Variants in CDKAL1 observed in about 807,000 individuals in gnomAD.
CDKAL1 encodes threonylcarbamoyladenosine tRNA methylthiotransferase.
In CDKAL1, 32 loss-of-function variants were observed where a neutral mutation model predicts 68.2. That is an observed-to-expected ratio of 0.47 (90% CI 0.35 to 0.63). The LOEUF is 0.63. CDKAL1 is among the 30% of genes least tolerant of loss of function. The pLI is 0.00. For synonymous variants in CDKAL1, 234 were observed against 244.3 expected, an observed-to-expected ratio of 0.96 and a Z score of 0.39; for missense variants, 606 against 696.7, an observed-to-expected ratio of 0.87 and a Z score of 1.47.
At chr6:21,138,271 T>G (rs541422479) in intron 13 of CDKAL1, among the ~76,000 whole-genome samples, 61 of 152,064 alleles carry the variant, frequency 4.0e-4, no homozygotes, top group African/African-American at 7.7e-4. Flanking sequence ...TGTATGTGTG[T>G]GGGGGGAACT....
intron 11 of CDKAL1, among the ~76,000 whole-genome samples, chr6:21,054,162 G>A (rs1396416856): frequency 6.6e-6 from 1 of 151,894 alleles, no homozygotes; most frequent in Non-Finnish European, 1.5e-5. Context: ...TAATGTGTGG[G>A]GTTTTTTGCA....
chr6:20,570,483 C>A (rs920826192), intron 4 of CDKAL1, among the ~76,000 whole-genome samples: 1 of 151,964 alleles, frequency 6.6e-6, no homozygotes, highest in African/African-American at 2.4e-5. Flanking sequence ...TCACTGCAAC[C>A]CCCGCCTCCT....
intron 15 of CDKAL1, among the ~76,000 whole-genome samples, chr6:21,215,739 A>G (rs9350334): frequency 0.15 from 22,092 of 152,094 alleles, 1,678 homozygotes; most frequent in East Asian, 0.22. Flanking sequence ...CTGAGGTACA[A>G]TTGTACCCAG....
intron 12 of CDKAL1, among the ~76,000 whole-genome samples, chr6:21,075,772 G>A (rs1772037079): frequency 6.6e-6 from 1 of 152,038 alleles, no homozygotes; most frequent in African/African-American, 2.4e-5. Context: ...TTCTTGGTCT[G>A]CCTAGGAAAG....
chr6:21,064,991 A>G, intron 11 of CDKAL1, 57 bp from the exon 12 acceptor site: 2 of 1,019,840 alleles, frequency 2.0e-6, no homozygotes, highest in Non-Finnish European at 2.8e-6. Flanking sequence ...TGTCAGGGAA[A>G]TAGAATAATT....
chr6:20,775,542 A>G (rs144368447), intron 7 of CDKAL1, among the ~76,000 whole-genome samples: 7 of 152,314 alleles, frequency 4.6e-5, no homozygotes, highest in East Asian at 1.9e-4. Context: ...GTTCATTTTC[A>G]GGACAAATTT....
intron 5 of CDKAL1, among the ~76,000 whole-genome samples, chr6:20,684,196 CT>C (rs1288715112): frequency 6.6e-6 from 1 of 152,204 alleles, no homozygotes; most frequent in Non-Finnish European, 1.5e-5. Context: ...AATCCCCGCA[CT>C]TTGGGAGGCC....
At position 21,070,869 on chromosome 6, in the gene CDKAL1, AGCAGCTGTGAG is replaced by A. The variant is rs1431552403; in HGVS notation, c.1236+5644_1236+5654del. On this transcript the variant is annotated intron_variant, in intron 12 of 15. Transcript: ENST00000274695. ...GTAGTCCCTGAACAGCAGTGTTGGC[AGCAGCTGTGAG>A]GCTGCTGGAAATGCAGACTCTCAGG... 7.2e-5 allele frequency among the ~76,000 whole-genome samples: 11 copies of A among 152,232 alleles called. No homozygotes were observed. In the East Asian group the frequency reaches 1.5e-3, roughly 21 times the overall value.
chr6:20,620,467 A>T (rs906619707), intron 4 of CDKAL1, among the ~76,000 whole-genome samples: 1 of 152,192 alleles, frequency 6.6e-6, no homozygotes, highest in Admixed American at 6.5e-5. Flanking sequence ...CAAAATAAAT[A>T]TTATCCACAT....
chr6:20,683,921 T>C (rs952964167), intron 5 of CDKAL1, among the ~76,000 whole-genome samples: 1 of 152,232 alleles, frequency 6.6e-6, no homozygotes, highest in South Asian at 2.1e-4. Context: ...CTCCACTGTT[T>C]TATATTTCCC....
chr6:20,852,446 A>T (rs1759067794), intron 9 of CDKAL1, among the ~76,000 whole-genome samples: 1 of 152,234 alleles, frequency 6.6e-6, no homozygotes, highest in Non-Finnish European at 1.5e-5. Flanking sequence ...TATATTTTCT[A>T]CCTGGCTTTT....
At chr6:20,930,986 G>A (rs886625739) in intron 9 of CDKAL1, among the ~76,000 whole-genome samples, 1 of 150,280 alleles carries the variant, frequency 6.7e-6, no homozygotes, top group African/African-American at 2.5e-5. Context: ...CTCATGATCC[G>A]CCCGCCTCGG....
At chr6:20,555,875 G>T (rs1764021441) in intron 4 of CDKAL1, among the ~76,000 whole-genome samples, 1 of 151,948 alleles carries the variant, frequency 6.6e-6, no homozygotes, top group Admixed American at 6.6e-5. Context: ...GCCCGCCTCG[G>T]CCTCCCAAAG....
intron 4 of CDKAL1, among the ~76,000 whole-genome samples, chr6:20,624,258 A>G (rs1767325483): frequency 6.6e-6 from 1 of 152,030 alleles, no homozygotes; most frequent in South Asian, 2.1e-4. Flanking sequence ...TTTTTTAAAA[A>G]CACTTGAGAA....
At chr6:20,914,864 A>G (rs58305682) in intron 9 of CDKAL1, among the ~76,000 whole-genome samples, 3,488 of 152,250 alleles carry the variant, frequency 0.023, 145 homozygotes, top group African/African-American at 0.079. Context: ...TTTGAATATC[A>G]GTTGTATCAC....
chr6:20,897,333 A>T (rs1446970912), intron 9 of CDKAL1, among the ~76,000 whole-genome samples: 7 of 152,268 alleles, frequency 4.6e-5, no homozygotes, highest in East Asian at 3.9e-4. Context: ...CCCCAGTAGG[A>T]ATGAATTGGG....
intron 10 of CDKAL1, among the ~76,000 whole-genome samples, chr6:20,982,684 ACTT>A (rs957807824): frequency 5.9e-5 from 9 of 152,126 alleles, no homozygotes; most frequent in African/African-American, 2.2e-4. Flanking sequence ...GTATCAAATG[ACTT>A]CTTCTGTTAA....
At chr6:21,076,298 T>C (rs1280435653) in intron 12 of CDKAL1, among the ~76,000 whole-genome samples, 2 of 152,196 alleles carry the variant, frequency 1.3e-5, no homozygotes, top group African/African-American at 4.8e-5. Context: ...TATAGAAGCT[T>C]GCTCAATGAC....
chr6:20,914,813 C>T (rs1036645196), intron 9 of CDKAL1, among the ~76,000 whole-genome samples: 3 of 152,138 alleles, frequency 2.0e-5, no homozygotes, highest in South Asian at 4.1e-4. Flanking sequence ...GCCTTTTTAA[C>T]GTGTAGATTT....
Sources: allele counts gnomAD v4.1 joint callset (sites outside exome capture counted in the v4.1 genomes callset), GRCh38; gene constraint gnomAD v4.1.1; transcripts MANE v1.5; gene names NCBI Gene and HGNC (gene_info 2026-07-23, HGNC 2026-07-21).